CGNL1: variants seen among roughly 807,000 people sequenced by gnomAD.
CGNL1 encodes cingulin-like protein 1.
CGNL1 carries 132 observed loss-of-function variants against 141.2 expected under a neutral mutation model. The observed-to-expected ratio is 0.93, with a 90% CI of 0.81 to 1.08. The LOEUF (loss-of-function observed/expected upper bound fraction) is 1.08. Among genes scored for constraint, CGNL1 ranks in the 50% least tolerant of loss-of-function variants. The probability of loss-of-function intolerance (pLI) is 0.00; values close to 1 mark genes in which losing one functional copy is unlikely to be tolerated. For missense variants in CGNL1, 1,870 were observed against 1,588.6 expected (o/e 1.18, Z -3.01); for synonymous variants, 690 against 622.1 (o/e 1.11, Z -1.63).
At chr15:57,470,256 CTTTTT>C (rs60982599) in intron 8 of CGNL1, among the ~76,000 whole-genome samples, 3 of 113,996 alleles carry the variant, frequency 2.6e-5, no homozygotes, top group Admixed American at 1.0e-4. Context: ...TTTTGTCTCT[CTTTTT>C]TTTTTTTTTT....
intron 8 of CGNL1, among the ~76,000 whole-genome samples, chr15:57,488,694 T>C (rs77305789): frequency 0.012 from 1,851 of 152,282 alleles, 54 homozygotes; most frequent in African/African-American, 0.041. Flanking sequence ...GCATGAACCT[T>C]TCGAGTGCAC....
intron 5 of CGNL1, 89 bp from the exon 6 acceptor site, chr15:57,452,052 T>C (rs1249071867): frequency 6.9e-6 from 8 of 1,166,324 alleles, no homozygotes; most frequent in African/African-American, 4.7e-5. Flanking sequence ...AGTGCAAAGA[T>C]ATGGAGTCTG....
intron 8 of CGNL1, among the ~76,000 whole-genome samples, chr15:57,477,184 A>G (rs2063667225): frequency 1.3e-5 from 2 of 152,178 alleles, no homozygotes; most frequent in Middle Eastern, 3.2e-3. Context: ...GCTGGGGACA[A>G]AGAAGTCAAG....
intron 1 of CGNL1, among the ~76,000 whole-genome samples, chr15:57,399,839 A>G (rs1173600778): frequency 2.6e-5 from 4 of 152,104 alleles, no homozygotes; most frequent in East Asian, 1.9e-4. Flanking sequence ...CAACATGGTG[A>G]GACCCCATCT....
chr15:57,473,219 T>A (rs999180787), intron 8 of CGNL1, among the ~76,000 whole-genome samples: 1 of 152,220 alleles, frequency 6.6e-6, no homozygotes, highest in Non-Finnish European at 1.5e-5. Flanking sequence ...GCTTTATTAT[T>A]GGAAATCCTA....
rs548676516 is a variant in CGNL1 at position 57,447,208 on chromosome 15, TAG to T, written c.1804-4287_1804-4286del. 4.7e-3 allele frequency among the ~76,000 whole-genome samples: 719 copies of T among 152,332 alleles called. 2 individuals are homozygous for T. The highest frequency in any genetic ancestry group is 8.6e-3 in the Non-Finnish European group (588 of 68,020). ...CTCAGCAGCGTTCCGTCATTTTTGT[TAG>T]AGAGGTCTCGCACATCTTTCATTTA... On this transcript the variant is annotated intron_variant, in intron 4 of 18. Transcript: ENST00000281282.
chr15:57,544,674 T>A, intron 16 of CGNL1, 77 bp downstream of exon 16: 6 of 1,518,232 alleles, frequency 4.0e-6, no homozygotes, highest in Non-Finnish European at 5.3e-6. Context: ...TTGTCACATT[T>A]GGGATCTGTC....
At chr15:57,505,819 A>T (rs1445583756) in intron 8 of CGNL1, among the ~76,000 whole-genome samples, 1 of 152,218 alleles carries the variant, frequency 6.6e-6, no homozygotes, top group African/African-American at 2.4e-5. Flanking sequence ...AGAAGCATCC[A>T]TTGGATTGAA....
intron 1 of CGNL1, among the ~76,000 whole-genome samples, chr15:57,408,810 G>T (rs980439407): frequency 6.6e-6 from 1 of 152,048 alleles, no homozygotes; most frequent in Non-Finnish European, 1.5e-5. Context: ...CCGAGGCAGC[G>T]GGATGGATCA....
At position 57,439,313 on chromosome 15, in the gene CGNL1, G is replaced by C. The variant is rs1478052683; in HGVS notation, c.1314G>C (p.Gln438His). ...TGTCTCAGGAGCGCCGTGGGAAACA[G>C]AGCGTGGGCCGCACCTTTGCAAAGC... ...RPLSQERRGK[Q>H]SVGRTFAKLQ... The change falls in exon 2 of 19, where the codon CAG becomes CAC. Residue 438 changes from glutamine (Q) to histidine (H), a missense_variant. By Grantham distance (24) the Gln-to-His change is conservative. Transcript: ENST00000281282. 3 of 1,614,134 alleles carry C rather than the reference G, an allele frequency of 1.9e-6. No homozygotes were observed. Among genetic ancestry groups the C allele is most frequent in the African/African-American group, 2.7e-5 (2 of 75,066 alleles).
chr15:57,515,041 G>A (rs2030655532), intron 8 of CGNL1, among the ~76,000 whole-genome samples: 1 of 152,212 alleles, frequency 6.6e-6, no homozygotes. Context: ...TAGGGCAGAA[G>A]TGGGCAATCT....
At chr15:57,490,432 A>T (rs767018684) in intron 8 of CGNL1, among the ~76,000 whole-genome samples, 5 of 151,990 alleles carry the variant, frequency 3.3e-5, no homozygotes, top group African/African-American at 7.2e-5. Flanking sequence ...GTGCGTGTGC[A>T]CTCACATTGA....
chr15:57,417,936 C>G (rs1394960952), intron 1 of CGNL1, among the ~76,000 whole-genome samples: 12 of 152,134 alleles, frequency 7.9e-5, no homozygotes, highest in Admixed American at 7.2e-4. Context: ...CTGTCTTCAG[C>G]TAAGTGGCTC....
At chr15:57,391,583 T>TTG (rs1396760876) in intron 1 of CGNL1, among the ~76,000 whole-genome samples, 6 of 152,158 alleles carry the variant, frequency 3.9e-5, no homozygotes, top group Non-Finnish European at 8.8e-5. Flanking sequence ...TACTTGCAAG[T>TTG]AAACAAAACT....
At chr15:57,514,762 T>C (rs1043160501) in intron 8 of CGNL1, among the ~76,000 whole-genome samples, 1 of 152,238 alleles carries the variant, frequency 6.6e-6, no homozygotes, top group Non-Finnish European at 1.5e-5. Flanking sequence ...TGATCCATTT[T>C]GAGTTAACTT....
chr15:57,438,119 C>G lies in CGNL1; in HGVS notation c.120C>G (p.Tyr40Ter), dbSNP rs192521923. ...RSSQNSKAGS[Y>*]GVSIRVQGID... is the part of the protein sequence containing the mutation. Reference sequence around the variant, plus strand: ...CCCAGAACTCCAAGGCAGGCTCCTACGGTGTCAGTATTCGGGTCCAGGGAA... The same window carrying G: ...CCCAGAACTCCAAGGCAGGCTCCTAGGGTGTCAGTATTCGGGTCCAGGGAA... Residue 40 changes from tyrosine (Y) to a stop codon, truncating the protein, a stop_gained, in exon 2 of 19, where the codon TAC becomes TAG. Coordinates refer to ENST00000281282, the MANE Select transcript of CGNL1 (RefSeq NM_032866.5). LOFTEE classifies it high-confidence loss of function. 1 of 1,614,170 alleles carries G rather than the reference C, an allele frequency of 6.2e-7. No homozygotes were observed. Among genetic ancestry groups the G allele is most frequent in the Non-Finnish European group, 8.5e-7 (1 of 1,180,026 alleles).
At chr15:57,420,158 C>G (rs2062897548) in intron 1 of CGNL1, among the ~76,000 whole-genome samples, 1 of 152,068 alleles carries the variant, frequency 6.6e-6, no homozygotes, top group Non-Finnish European at 1.5e-5. Flanking sequence ...TGTATATTTC[C>G]TGCCCTAGTC....
intron 4 of CGNL1, among the ~76,000 whole-genome samples, chr15:57,443,068 G>A (rs2063209947): frequency 6.6e-6 from 1 of 152,246 alleles, no homozygotes; most frequent in Admixed American, 6.5e-5. Flanking sequence ...TGGAAGGTAA[G>A]TGTGAACAGG....
intron 1 of CGNL1, among the ~76,000 whole-genome samples, chr15:57,406,345 A>T (rs2062722753): frequency 6.6e-6 from 1 of 152,166 alleles, no homozygotes; most frequent in Non-Finnish European, 1.5e-5. Context: ...TGGGAACAGC[A>T]AGGAGGCCAC....
Sources: gnomAD v4.1 joint callset for allele counts (sites outside exome capture counted in the v4.1 genomes callset) on GRCh38, gnomAD v4.1.1 for gene constraint, MANE v1.5 for transcripts, NCBI Gene and HGNC (gene_info 2026-07-23, HGNC 2026-07-21) for gene names.